The following PLEKHA7 variants were observed in gnomAD, a reference collection of about 807,000 sequenced individuals.
PLEKHA7 encodes the protein pleckstrin homology domain-containing family A member 7.
PLEKHA7 carries 104 observed loss-of-function variants against 170.0 expected under a neutral mutation model. That is an observed-to-expected ratio of 0.61 (90% CI 0.52 to 0.72). PLEKHA7 has a LOEUF of 0.72. PLEKHA7 is among the 30% of genes least tolerant of loss of function. The probability of loss-of-function intolerance (pLI) is 0.00; values close to 1 mark genes in which losing one functional copy is unlikely to be tolerated. For missense variants in PLEKHA7, 1,615 were observed against 1,671.7 expected, an observed-to-expected ratio of 0.97 and a Z score of 0.59; for synonymous variants, 648 against 660.8, an observed-to-expected ratio of 0.98 and a Z score of 0.30.
rs1158884804 is a variant in PLEKHA7 at position 16,816,997 on chromosome 11, T to G, written c.1669A>C (p.Met557Leu). 1.2e-6 allele frequency: 2 copies of G among 1,603,350 alleles called. No individual in the cohort carries two copies. The highest frequency in any genetic ancestry group is 2.7e-5 in the African/African-American group (2 of 74,818). Residue 557 changes from methionine to leucine, a missense_variant, in exon 11 of 27, where the codon ATG (methionine) becomes CTG (leucine). By Grantham distance (15) the Met-to-Leu change is conservative (BLOSUM62 2). Coordinates refer to ENST00000531066, the MANE Select transcript of PLEKHA7 (RefSeq NM_001329630.2). ...EFTDQGRSRS[M>L]LEVPRSISVP... ...GAGATGGAGCGGGGCACCTCTAGCA[T>G]GCTCCTGCTCCGGCCCTGGTCGGTG...
intron 3 of PLEKHA7, among the ~76,000 whole-genome samples, chr11:16,948,901 G>C (rs7102075): frequency 0.064 from 9,790 of 152,228 alleles, 1,028 homozygotes; most frequent in African/African-American, 0.22. Flanking sequence ...GGTCTATAGA[G>C]ACACCTCTCT....
chr11:16,960,218 C>T (rs1026082646), intron 3 of PLEKHA7, among the ~76,000 whole-genome samples: 1 of 152,166 alleles, frequency 6.6e-6, no homozygotes, highest in African/African-American at 2.4e-5. Context: ...CATAGCACCC[C>T]CACCAGCTCC....
In PLEKHA7 at chr11:16,996,036, GC is replaced by G. The variant is rs1318938485; in HGVS notation, c.221+17952del. On this transcript the variant is annotated intron_variant, in intron 3 of 26. Coordinates refer to ENST00000531066, the MANE Select transcript of PLEKHA7 (RefSeq NM_001329630.2). Reference sequence around the variant, plus strand: ...TCAAGAAATTACCTAAATACATTTGGCCCACCATAGCCATTATAGAGAAAAG... The same window carrying G: ...TCAAGAAATTACCTAAATACATTTGGCCACCATAGCCATTATAGAGAAAAG... Among the ~76,000 whole-genome samples the G allele has an allele frequency of 2.6e-5, 4 of 152,236 alleles. No homozygotes were observed. In the East Asian group the frequency reaches 7.7e-4, roughly 29 times the overall value.
chr11:16,907,340 A>T (rs370398967), intron 3 of PLEKHA7, among the ~76,000 whole-genome samples: 109 of 82,514 alleles, frequency 1.3e-3, no homozygotes, highest in East Asian at 2.9e-3. Flanking sequence ...TACTGGGAAG[A>T]GAGGAGCCCC....
At chr11:16,907,677 C>T (rs1334843171) in intron 3 of PLEKHA7, among the ~76,000 whole-genome samples, 12 of 131,016 alleles carry the variant, frequency 9.2e-5, no homozygotes, top group African/African-American at 1.9e-4. Flanking sequence ...CCGCCCCGTC[C>T]GGGAGGTGAG....
intron 3 of PLEKHA7, among the ~76,000 whole-genome samples, chr11:16,908,574 A>C (rs1343039336): frequency 6.6e-6 from 1 of 151,704 alleles, no homozygotes; most frequent in Admixed American, 6.6e-5. Flanking sequence ...CGGCTCACTG[A>C]AACCTCTGCT....
At chr11:16,900,589 A>G (rs994165815) in intron 3 of PLEKHA7, among the ~76,000 whole-genome samples, 3 of 152,184 alleles carry the variant, frequency 2.0e-5, no homozygotes, top group Non-Finnish European at 4.4e-5. Context: ...TTTTCCCTTT[A>G]AATAAAATTG....
chr11:16,892,445 T>TGTGTGTGTGTGTG, intron 3 of PLEKHA7, among the ~76,000 whole-genome samples: 1 of 145,574 alleles, frequency 6.9e-6, no homozygotes, highest in African/African-American at 2.5e-5. Flanking sequence ...TTTTGTTTTG[T>TGTGTGTGTGTGTG]TTTGTTTTGT....
intron 3 of PLEKHA7, among the ~76,000 whole-genome samples, chr11:16,963,134 G>A (rs1177255769): frequency 1.3e-5 from 2 of 152,176 alleles, no homozygotes; most frequent in Non-Finnish European, 2.9e-5. Context: ...AGTCCTCCTA[G>A]AGGAGGGCCA....
chr11:16,786,096 C>A (rs1849374312), intron 24 of PLEKHA7, 133 bp downstream of exon 24: 9 of 1,041,374 alleles, frequency 8.6e-6, no homozygotes, highest in Non-Finnish European at 1.2e-5. Context: ...TGCTATCCAT[C>A]CATCCTCCTA....
intron 3 of PLEKHA7, among the ~76,000 whole-genome samples, chr11:17,006,327 T>TAAA (rs751822590): frequency 1.2e-5 from 1 of 84,882 alleles, no homozygotes; most frequent in African/African-American, 4.5e-5. Context: ...AAACTCCATC[T>TAAA]AAAAAAAAAA....
intron 3 of PLEKHA7, among the ~76,000 whole-genome samples, chr11:16,892,430 G>GT (rs1414079217): frequency 3.7e-5 from 3 of 80,724 alleles, no homozygotes; most frequent in African/African-American, 9.5e-5. Context: ...GTGTGTGTGT[G>GT]TGTGTTTTGT....
At chr11:16,844,429 T>C (rs768891892) in intron 8 of PLEKHA7, among the ~76,000 whole-genome samples, 1 of 152,166 alleles carries the variant, frequency 6.6e-6, no homozygotes, top group Non-Finnish European at 1.5e-5. Context: ...ATGGATTAAC[T>C]GTGAAGGCAA....
intron 8 of PLEKHA7, among the ~76,000 whole-genome samples, chr11:16,847,098 T>C (rs946243784): frequency 8.5e-5 from 11 of 129,222 alleles, no homozygotes; most frequent in East Asian, 2.1e-4. Flanking sequence ...TTCTTTTTTT[T>C]TTTTTTTTTT....
chr11:16,962,856 A>G (rs1862149653), intron 3 of PLEKHA7, among the ~76,000 whole-genome samples: 1 of 152,210 alleles, frequency 6.6e-6, no homozygotes, highest in African/African-American at 2.4e-5. Flanking sequence ...CAACAACAAC[A>G]ACAACAAAAA....
At chr11:16,852,243 TG>T (rs1284120224) in intron 7 of PLEKHA7, 39 bp downstream of exon 7, 17 of 1,586,006 alleles carry the variant, frequency 1.1e-5, no homozygotes, top group Non-Finnish European at 1.5e-5. Flanking sequence ...TATGTAAAAC[TG>T]AACACTTCGG....
chr11:16,871,733 C>T (rs1854867610), intron 3 of PLEKHA7, among the ~76,000 whole-genome samples: 1 of 152,110 alleles, frequency 6.6e-6, no homozygotes, highest in Admixed American at 6.6e-5. Flanking sequence ...AATTTCAGCA[C>T]GGTGGAGTTT....
intron 3 of PLEKHA7, among the ~76,000 whole-genome samples, chr11:16,965,333 A>AT (rs1370823955): frequency 6.6e-6 from 1 of 151,504 alleles, no homozygotes; most frequent in African/African-American, 2.4e-5. Context: ...AAAGAAAAAA[A>AT]AAGGTTTGAA....
At chr11:16,845,256 G>A (rs905438816) in intron 8 of PLEKHA7, among the ~76,000 whole-genome samples, 1 of 152,248 alleles carries the variant, frequency 6.6e-6, no homozygotes, top group African/African-American at 2.4e-5. Context: ...AGAGGCTGCC[G>A]AAGTTGGCAG....
Sources: gnomAD v4.1 joint callset for allele counts (sites outside exome capture counted in the v4.1 genomes callset) on GRCh38, gnomAD v4.1.1 for gene constraint, MANE v1.5 for transcripts, NCBI Gene and HGNC (gene_info 2026-07-23, HGNC 2026-07-21) for gene names.